The following PTPRM variants were observed in gnomAD, a reference collection of about 807,000 sequenced individuals.
PTPRM encodes receptor-type tyrosine-protein phosphatase mu.
Under a neutral mutation model 186.7 loss-of-function variants are expected in PTPRM, and 47 were observed. The observed-to-expected ratio is 0.25, with a 90% CI of 0.20 to 0.32. PTPRM has a LOEUF of 0.32. PTPRM is among the 10% of genes least tolerant of loss of function. The pLI is 1.00. For missense variants in PTPRM, 1,494 were observed against 1,865.0 expected (o/e 0.80, Z 3.66); for synonymous variants, 668 against 674.9 (o/e 0.99, Z 0.16).
chr18:7,654,804 T>C (rs2144320517), intron 1 of PTPRM, among the ~76,000 whole-genome samples: 1 of 152,314 alleles, frequency 6.6e-6, no homozygotes, highest in Admixed American at 6.5e-5. Flanking sequence ...GTTCCATTGG[T>C]ATATGTGTCT....
chr18:8,255,764 C>T (rs1735769829), intron 19 of PTPRM, among the ~76,000 whole-genome samples: 1 of 152,150 alleles, frequency 6.6e-6, no homozygotes, highest in Admixed American at 6.5e-5. Context: ...GTACCGTGCC[C>T]CTTGTGCTGC....
At chr18:7,883,114 A>G (rs369346710) in intron 2 of PTPRM, among the ~76,000 whole-genome samples, 1 of 152,212 alleles carries the variant, frequency 6.6e-6, no homozygotes, top group Non-Finnish European at 1.5e-5. Flanking sequence ...CTGCAATGGT[A>G]TATTTTCTAC....
At chr18:8,359,529 T>C (rs571533755) in intron 23 of PTPRM, among the ~76,000 whole-genome samples, 1 of 152,390 alleles carries the variant, frequency 6.6e-6, no homozygotes, top group East Asian at 1.9e-4. Context: ...TTTACTGGCC[T>C]GGGCTTGGGG....
chr18:7,979,183 T>C (rs533353629), intron 7 of PTPRM, among the ~76,000 whole-genome samples: 2 of 152,342 alleles, frequency 1.3e-5, no homozygotes, highest in South Asian at 2.1e-4. Context: ...CCCGCCACTG[T>C]AGAGTCCTTT....
chr18:7,908,715 G>T (rs1294274527), intron 4 of PTPRM, among the ~76,000 whole-genome samples: 1 of 152,166 alleles, frequency 6.6e-6, no homozygotes, highest in East Asian at 1.9e-4. Context: ...AGTTCAAGAA[G>T]ATTCCCTGTC....
chr18:7,760,938 C>T (rs1179729038), intron 1 of PTPRM, among the ~76,000 whole-genome samples: 1 of 152,154 alleles, frequency 6.6e-6, no homozygotes, highest in Non-Finnish European at 1.5e-5. Context: ...GAAACCCAGA[C>T]CATCTGCCTC....
At chr18:8,268,467 A>G (rs529773810) in intron 19 of PTPRM, among the ~76,000 whole-genome samples, 1 of 152,304 alleles carries the variant, frequency 6.6e-6, no homozygotes, top group South Asian at 2.1e-4. Flanking sequence ...GTTCATGTCC[A>G]GATGGCTTTA....
In PTPRM at chr18:8,244,222, G is replaced by T; in HGVS notation, c.2452+13G>T. The T allele has an allele frequency of 6.6e-7, 1 of 1,515,390 alleles. No individual in the cohort carries two copies. Among genetic ancestry groups the T allele is most frequent in the Non-Finnish European group, 8.8e-7 (1 of 1,137,842 alleles). The allele number at this position is 1,515,390 out of a possible 1,614,324, so 93.9% of individuals were successfully genotyped here. On this transcript the variant is annotated intron_variant, in intron 15 of 32. Transcript: ENST00000580170. ...CTGAATGGGAGATGTAAGTGCATATGTTTCTTGGCTTCTAACACATCTCCT... is the reference window on the plus strand; with the variant it reads ...CTGAATGGGAGATGTAAGTGCATATTTTTCTTGGCTTCTAACACATCTCCT...
chr18:8,063,749 T>TA (rs1180528406), intron 7 of PTPRM, among the ~76,000 whole-genome samples: 1 of 152,180 alleles, frequency 6.6e-6, no homozygotes, highest in East Asian at 1.9e-4. Context: ...AAATTTAACT[T>TA]AAAAAAATTC....
chr18:8,199,576 A>G (rs2093825498), intron 14 of PTPRM, among the ~76,000 whole-genome samples: 1 of 152,150 alleles, frequency 6.6e-6, no homozygotes, highest in Non-Finnish European at 1.5e-5. Flanking sequence ...AATCTACACC[A>G]TGGTTTTCTG....
At chr18:8,129,813 T>G (rs1033702587) in intron 13 of PTPRM, among the ~76,000 whole-genome samples, 2 of 152,174 alleles carry the variant, frequency 1.3e-5, no homozygotes, top group Non-Finnish European at 2.9e-5. Flanking sequence ...AGAATTAATT[T>G]AGAATAAATG....
At position 7,949,313 on chromosome 18, in the gene PTPRM, G is replaced by A; in HGVS notation, c.796G>A (p.Gly266Arg). 1 of 1,614,126 alleles carries A rather than the reference G, an allele frequency of 6.2e-7. No individual in the cohort carries two copies. Among genetic ancestry groups the A allele is most frequent in the South Asian group, 1.1e-5 (1 of 91,070 alleles). ...GKYRCMIRTEGGVGISNYAEL... is the reference protein window; with the variant it reads ...GKYRCMIRTERGVGISNYAEL... ...GTACCGCTGCATGATTCGCACTGAAGGAGGTGTTGGAATATCAAACTATGC... is the reference window on the plus strand; with the variant it reads ...GTACCGCTGCATGATTCGCACTGAAAGAGGTGTTGGAATATCAAACTATGC... Residue 266 changes from glycine to arginine, a missense_variant, in exon 6 of 33, where the codon GGA becomes AGA. By Grantham distance (125) the Gly-to-Arg change is moderately radical. Around this residue, in one of 3 missense-constraint regions of PTPRM, gnomAD observed 296 missense variants for 345.5 expected, o/e 0.86. Transcript: ENST00000580170.
intron 5 of PTPRM, among the ~76,000 whole-genome samples, chr18:7,937,222 G>A (rs1481108670): frequency 6.6e-6 from 1 of 152,342 alleles, no homozygotes; most frequent in Admixed American, 6.5e-5. Context: ...TGGGTGACAA[G>A]AAAGAAGGAG....
At position 8,380,427 on chromosome 18, in the gene PTPRM, G is replaced by A. The variant is rs2095725668; in HGVS notation, c.3918G>A (p.Gln1306=). Residue 1306 remains glutamine, a splice_region_variant and synonymous_variant, in exon 29 of 33, where the codon CAG becomes CAA. Transcript: ENST00000580170. ...TGCTAAATGATGTGGATCCTGCCCA[G>A]GTGAGACCCGGACTTCTTACAGTCA... ...VVMLNDVDPA[Q]LCPQYWPENG... is the part of the protein sequence containing the mutation. 1 of 1,614,150 alleles carries A rather than the reference G, an allele frequency of 6.2e-7. No homozygotes were observed. Among genetic ancestry groups the A allele is most frequent in the Non-Finnish European group, 8.5e-7 (1 of 1,180,026 alleles).
intron 2 of PTPRM, among the ~76,000 whole-genome samples, chr18:7,820,205 A>C (rs2045108631): frequency 6.6e-6 from 1 of 152,140 alleles, no homozygotes; most frequent in African/African-American, 2.4e-5. Context: ...GGCAGTGGGA[A>C]GCTTTGTCCT....
intron 13 of PTPRM, among the ~76,000 whole-genome samples, chr18:8,116,122 T>C (rs1232317312): frequency 1.3e-5 from 2 of 152,238 alleles, no homozygotes; most frequent in Non-Finnish European, 2.9e-5. Context: ...CTATTAATTA[T>C]TACAGGACGA....
chr18:7,869,610 T>G (rs902882529), intron 2 of PTPRM, among the ~76,000 whole-genome samples: 1 of 152,130 alleles, frequency 6.6e-6, no homozygotes, highest in Non-Finnish European at 1.5e-5. Flanking sequence ...TTGATCTCGC[T>G]GGAAGCTGCA....
chr18:7,596,572 G>A (rs1247042876), intron 1 of PTPRM, among the ~76,000 whole-genome samples: 1 of 151,978 alleles, frequency 6.6e-6, no homozygotes, highest in African/African-American at 2.4e-5. Flanking sequence ...CTTTTACTGC[G>A]CCTAATTTAT....
At chr18:8,160,570 C>T (rs137859193) in intron 14 of PTPRM, among the ~76,000 whole-genome samples, 11 of 152,182 alleles carry the variant, frequency 7.2e-5, no homozygotes, top group Non-Finnish European at 1.2e-4. Flanking sequence ...TCTGGGATTA[C>T]AGGCACTGAA....
Sources: gnomAD v4.1 joint callset for allele counts (sites outside exome capture counted in the v4.1 genomes callset) on GRCh38, gnomAD v4.1.1 for gene constraint, gnomAD v4.1.1 regional missense constraint, MANE v1.5 for transcripts, NCBI Gene and HGNC (gene_info 2026-07-23, HGNC 2026-07-21) for gene names.